Variants in ELF1 observed in about 807,000 individuals in gnomAD.
The protein encoded by ELF1 is E74 like ETS transcription factor 1.
Under a neutral mutation model 59.9 loss-of-function variants are expected in ELF1, and 24 were observed. The observed-to-expected ratio is 0.40, with a 90% CI of 0.29 to 0.56. The LOEUF (loss-of-function observed/expected upper bound fraction) is 0.56. ELF1 is among the 20% of genes least tolerant of loss of function. The pLI, the probability that ELF1 is intolerant of heterozygous loss-of-function variation, is 0.44. For synonymous variants in ELF1, 248 were observed against 266.2 expected (o/e 0.93, Z 0.67); for missense variants, 627 against 742.2 (o/e 0.84, Z 1.80).
chr13:40,968,721 CT>C lies in ELF1; in HGVS notation c.73-9706del, dbSNP rs35089615. Among the ~76,000 whole-genome samples, 811 of 137,214 alleles carry C rather than the reference CT, an allele frequency of 5.9e-3. 3 individuals are homozygous for C. Among genetic ancestry groups the C allele is most frequent in the African/African-American group, 8.4e-3 (314 of 37,356 alleles). 90.0% of individuals were successfully genotyped at this position (137,214 alleles called of 152,430 possible). On this transcript the variant is annotated intron_variant, in intron 2 of 8. Transcript: ENST00000239882. ...GCTCCCTGTAAACACTTTCTATATT[CT>C]TTTTTTTTTTTTTTTTAGACAGGGT...
chr13:40,939,111 T>C (rs1454381704), intron 8 of ELF1, among the ~76,000 whole-genome samples: 2 of 152,148 alleles, frequency 1.3e-5, no homozygotes, highest in Admixed American at 6.5e-5. Context: ...GGTGGTAGGA[T>C]TGCTTGGTTG....
At chr13:41,024,694 A>T (rs894920679) in intron 1 of ELF1, among the ~76,000 whole-genome samples, 3 of 152,066 alleles carry the variant, frequency 2.0e-5, no homozygotes, top group Admixed American at 2.0e-4. Flanking sequence ...CTGTGTTTCT[A>T]TGTAGCCCTA....
At chr13:40,977,468 T>C (rs9594468) in intron 2 of ELF1, among the ~76,000 whole-genome samples, 29,560 of 151,768 alleles carry the variant, frequency 0.19, 3,104 homozygotes, top group African/African-American at 0.27. Flanking sequence ...CACTCAAGAG[T>C]GCCAAGCAAT....
At chr13:41,059,649 G>A (rs1347749021) in intron 1 of ELF1, among the ~76,000 whole-genome samples, 1 of 152,056 alleles carries the variant, frequency 6.6e-6, no homozygotes, top group Admixed American at 6.5e-5. Context: ...CATTATAGCC[G>A]ACCCTATTTT....
intron 1 of ELF1, chr13:40,982,969 G>T (rs1873364481): frequency 1.6e-6 from 1 of 633,264 alleles, no homozygotes; most frequent in Non-Finnish European, 2.0e-6. Context: ...CCACGTCATG[G>T]CAAATTAGAA....
intron 5 of ELF1, among the ~76,000 whole-genome samples, chr13:40,945,335 A>T (rs1870438752): frequency 6.6e-6 from 1 of 152,188 alleles, no homozygotes; most frequent in Admixed American, 6.5e-5. Context: ...GGTGAATTAC[A>T]GCTTGGTTAG....
At chr13:40,982,479 T>C (rs1873331256) in intron 1 of ELF1, among the ~76,000 whole-genome samples, 197 bp from the exon 2 acceptor site, 1 of 151,364 alleles carries the variant, frequency 6.6e-6, no homozygotes. Flanking sequence ...GCTAAGATCA[T>C]CTGTCACTAC....
upstream of ELF1, among the ~76,000 whole-genome samples, chr13:41,024,023 A>G (rs1029867388): frequency 6.6e-6 from 1 of 152,250 alleles, no homozygotes; most frequent in Non-Finnish European, 1.5e-5. Flanking sequence ...TCTGATATTA[A>G]AAATAACCAA....
intron 1 of ELF1, among the ~76,000 whole-genome samples, chr13:41,055,187 G>T (rs1028684968): frequency 6.6e-6 from 1 of 152,106 alleles, no homozygotes; most frequent in Non-Finnish European, 1.5e-5. Flanking sequence ...AAGAGGTATC[G>T]TTCTTCCTAA....
At chr13:40,940,363 T>C (rs954598079) in intron 8 of ELF1, among the ~76,000 whole-genome samples, 1 of 135,740 alleles carries the variant, frequency 7.4e-6, no homozygotes, top group African/African-American at 3.0e-5. Flanking sequence ...ATCCTGGGGC[T>C]CTGAGGCAAA....
intron 1 of ELF1, among the ~76,000 whole-genome samples, chr13:41,034,516 T>C (rs1876295114): frequency 6.6e-6 from 1 of 152,144 alleles, no homozygotes; most frequent in South Asian, 2.1e-4. Flanking sequence ...AAGAATACAG[T>C]CTGTAATAAT....
chr13:40,966,666 T>C (rs895722617), intron 2 of ELF1, among the ~76,000 whole-genome samples: 2 of 152,222 alleles, frequency 1.3e-5, no homozygotes, highest in African/African-American at 2.4e-5. Context: ...ATTTTGTTCA[T>C]CAAGTTTTTG....
intron 2 of ELF1, among the ~76,000 whole-genome samples, chr13:40,969,646 T>C (rs1015478571): frequency 6.6e-6 from 1 of 152,216 alleles, no homozygotes; most frequent in African/African-American, 2.4e-5. Flanking sequence ...GTATCAGTGT[T>C]ATGTCAGTTT....
chr13:41,028,859 G>T (rs1371429640), intron 1 of ELF1, among the ~76,000 whole-genome samples: 1 of 152,010 alleles, frequency 6.6e-6, no homozygotes, highest in Non-Finnish European at 1.5e-5. Flanking sequence ...TCAGCCTCCC[G>T]AGTAGCTGGG....
intron 1 of ELF1, among the ~76,000 whole-genome samples, chr13:41,056,925 G>A (rs1403697296): frequency 2.0e-5 from 3 of 152,082 alleles, no homozygotes; most frequent in Admixed American, 1.3e-4. Flanking sequence ...CCGAGACAAG[G>A]ATAAGTTTGG....
chr13:40,948,706 G>A, intron 5 of ELF1, among the ~76,000 whole-genome samples: 1 of 152,124 alleles, frequency 6.6e-6, no homozygotes, highest in East Asian at 1.9e-4. Context: ...GGTCCTAATT[G>A]GCAAAAAGTT....
At chr13:40,983,142 AG>A (rs2138276092) in intron 1 of ELF1, among the ~76,000 whole-genome samples, 1 of 152,368 alleles carries the variant, frequency 6.6e-6, no homozygotes, top group South Asian at 2.1e-4. Flanking sequence ...AAAATTCTTT[AG>A]GTGTTTATCA....
chr13:41,058,761 T>C (rs1415463178), intron 1 of ELF1, among the ~76,000 whole-genome samples: 1 of 152,034 alleles, frequency 6.6e-6, no homozygotes, highest in Non-Finnish European at 1.5e-5. Context: ...TCACCTGAGG[T>C]CAGGGGTTCG....
intron 1 of ELF1, among the ~76,000 whole-genome samples, chr13:40,984,382 T>C (rs552744707): frequency 1.5e-4 from 23 of 152,272 alleles, no homozygotes; most frequent in African/African-American, 4.8e-4. Flanking sequence ...CGGGGCAACA[T>C]AGCAAGACCT....
Sources: gnomAD v4.1 joint callset for allele counts (sites outside exome capture counted in the v4.1 genomes callset) on GRCh38, gnomAD v4.1.1 for gene constraint, MANE v1.5 for transcripts, NCBI Gene and HGNC (gene_info 2026-07-23, HGNC 2026-07-21) for gene names.